The following TANGO2 variants were observed in gnomAD, a reference collection of about 807,000 sequenced individuals.
TANGO2 encodes the protein transport and Golgi organization protein 2 homolog.
In TANGO2, 26 loss-of-function variants were observed where a neutral mutation model predicts 39.1. The ratio of observed to expected loss-of-function variants is 0.67; its 90% CI spans 0.49 to 0.92. The LOEUF (loss-of-function observed/expected upper bound fraction) is 0.92, where lower values mean the gene tolerates loss of function less well. Ranked by LOEUF, TANGO2 falls within the 40% of genes least tolerant of loss-of-function variation. TANGO2 has a pLI of 0.00. For missense variants in TANGO2, 326 were observed against 360.1 expected, an observed-to-expected ratio of 0.91 and a Z score of 0.77; for synonymous variants, 131 against 144.5, an observed-to-expected ratio of 0.91 and a Z score of 0.67.
At chr22:20,046,574 C>T (rs2045258041) in intron 3 of TANGO2, among the ~76,000 whole-genome samples, 3 of 151,538 alleles carry the variant, frequency 2.0e-5, no homozygotes, top group South Asian at 2.1e-4. Context: ...AAGTGATTCT[C>T]CTGCCTCAGC....
intron 1 of TANGO2, among the ~76,000 whole-genome samples, chr22:20,024,507 G>C (rs1016133720): frequency 1.3e-5 from 2 of 152,230 alleles, no homozygotes; most frequent in Admixed American, 6.5e-5. Flanking sequence ...ACCGCTGATG[G>C]AGTGGGGATT....
intron 3 of TANGO2, among the ~76,000 whole-genome samples, chr22:20,051,229 GT>G (rs1361436237): frequency 6.6e-6 from 1 of 150,690 alleles, no homozygotes; most frequent in Non-Finnish European, 1.5e-5. Flanking sequence ...ATTAATTATT[GT>G]TATAAAAATA....
intron 1 of TANGO2, among the ~76,000 whole-genome samples, chr22:20,030,740 C>T (rs542202580): frequency 6.6e-5 from 10 of 152,230 alleles, no homozygotes; most frequent in Admixed American, 2.6e-4. Context: ...GTTGGGATTA[C>T]AGGCGTGAGC....
At chr22:20,056,691 G>A (rs1033594603) in intron 6 of TANGO2, 7 of 456,516 alleles carry the variant, frequency 1.5e-5, no homozygotes, top group African/African-American at 4.0e-5. Flanking sequence ...GTTCTGGGAG[G>A]GAGGTCTGCA....
chr22:20,033,115 G>A (rs2042174368), intron 1 of TANGO2: 1 of 473,286 alleles, frequency 2.1e-6, no homozygotes, highest in Non-Finnish European at 4.2e-6. Context: ...TTGGGGGCCG[G>A]TGGGCAGTGG....
rs761001534 is a variant in TANGO2, at chr22:20,036,835, G to C, written c.37G>C (p.Val13Leu). 6.2e-6 allele frequency: 10 copies of C among 1,614,114 alleles called. No homozygotes were observed. The Middle Eastern group carries it at 4.9e-4, about 80-fold the overall frequency. Residue 13 changes from valine to leucine, a missense_variant, in exon 2 of 9, where the codon GTT (valine) becomes CTT (leucine). By Grantham distance (32) the Val-to-Leu change is conservative. Transcript: ENST00000327374. Reference sequence around the variant, plus strand: ...CTTCTTTAAGTTTGATCCTCGCCCTGTTTCCAAAAACGCGTACAGGTAACC... The same window carrying C: ...CTTCTTTAAGTTTGATCCTCGCCCTCTTTCCAAAAACGCGTACAGGTAACC... The part of the protein sequence containing the change: ...IIFFKFDPRP[V>L]SKNAYRLILA...
At chr22:20,061,312 T>A in intron 6 of TANGO2, 1 of 495,416 alleles carries the variant, frequency 2.0e-6, no homozygotes, top group Non-Finnish European at 3.5e-6. Context: ...CTCCTGTGGG[T>A]GCCCGCTTCC....
intron 1 of TANGO2, among the ~76,000 whole-genome samples, chr22:20,024,337 C>T (rs1333827218): frequency 1.3e-5 from 2 of 152,240 alleles, no homozygotes; most frequent in Non-Finnish European, 2.9e-5. Context: ...GGTTTCCTGA[C>T]GTCAGGACTT....
At chr22:20,041,785 T>C (rs964573350) in intron 2 of TANGO2, among the ~76,000 whole-genome samples, 1 of 152,206 alleles carries the variant, frequency 6.6e-6, no homozygotes, top group Admixed American at 6.5e-5. Flanking sequence ...GAATGTCTGT[T>C]ATTTCACATT....
chr22:20,033,099 G>A (rs751599155), intron 1 of TANGO2: 4 of 459,060 alleles, frequency 8.7e-6, no homozygotes, highest in Admixed American at 5.3e-5. Context: ...GCTGGCTAGA[G>A]CTGGGTTGGG....
intron 1 of TANGO2, among the ~76,000 whole-genome samples, chr22:20,022,310 C>T (rs563438440): frequency 6.6e-6 from 1 of 152,340 alleles, no homozygotes; most frequent in South Asian, 2.1e-4. Context: ...TGTCCTGCGT[C>T]TGTGTTGGGT....
chr22:20,039,645 GA>G (rs887765161), intron 2 of TANGO2, among the ~76,000 whole-genome samples: 33 of 151,244 alleles, frequency 2.2e-4, no homozygotes, highest in Non-Finnish European at 4.0e-4. Context: ...AAGAAAAAAC[GA>G]AAAAAAACCT....
intron 4 of TANGO2, 104 bp from the exon 5 acceptor site, chr22:20,053,333 C>T: frequency 1.4e-6 from 1 of 724,190 alleles, no homozygotes; most frequent in East Asian, 2.6e-5. Flanking sequence ...TCCAGTGGGA[C>T]CCCTCATCTT....
At chr22:20,019,293 A>C (rs961321156), upstream of TANGO2, 2 of 152,160 alleles carry the variant, frequency 1.3e-5, no homozygotes, top group Admixed American at 6.5e-5. Context: ...AAGAGTGGCC[A>C]CAGAAGGTAG....
upstream of TANGO2, among the ~76,000 whole-genome samples, chr22:20,019,660 C>T (rs1046050451): frequency 2.6e-5 from 4 of 152,338 alleles, no homozygotes; most frequent in Middle Eastern, 3.4e-3. Context: ...TGGCCTGGTG[C>T]TTTGGGGAAG....
Position 20,053,512 on chromosome 22 carries a change from A to C in TANGO2, c.341A>C (p.His114Pro). The change falls in exon 5 of 9, where the codon CAT (histidine) becomes CCT (proline). Residue 114 changes from histidine (H) to proline (P), a missense_variant. Physicochemically the swap from His to Pro is moderately conservative, Grantham distance 77. Transcript: ENST00000327374. ...CTGAAGAAGGTCTCTATGGAGGGCC[A>C]TCTGTACAATGGCTTCAACCTCATA... ...SYLKKVSMEG[H>P]LYNGFNLIAA... 1 of 1,613,890 alleles carries C rather than the reference A, an allele frequency of 6.2e-7. No homozygotes were observed. The highest frequency in any genetic ancestry group is 8.5e-7 in the Non-Finnish European group (1 of 1,179,786).
rs1491540119 is a variant in TANGO2 at position 20,050,357 on chromosome 22, G to GTTTTTTTTTTTTTTTTTTTTTTTTTTT, written c.146-2108_146-2107insTTTTTTTTTTTTTTTTTTTTTTTTTTT. Among the ~76,000 whole-genome samples the GTTTTTTTTTTTTTTTTTTTTTTTTTTT allele has an allele frequency of 4.3e-5, 3 of 69,204 alleles. 1 individual carries two copies. The highest frequency in any genetic ancestry group is 7.9e-5 in the Non-Finnish European group (3 of 37,892). The allele number at this position is 69,204 out of a possible 152,430, so 45.4% of individuals were successfully genotyped here. Reference sequence around the variant, plus strand: ...ATTTTTCATTAAATATTTTCCTGGTGGTTTTTTTTTTTTTTTTTTTTTTTG... The same window carrying GTTTTTTTTTTTTTTTTTTTTTTTTTTT: ...ATTTTTCATTAAATATTTTCCTGGTGTTTTTTTTTTTTTTTTTTTTTTTTTTTGTTTTTTTTTTTTTTTTTTTTTTTG... On this transcript the variant is annotated intron_variant, in intron 3 of 8. Transcript: ENST00000327374.
At chr22:20,056,181 C>G (rs772373059) in intron 6 of TANGO2, 168 bp downstream of exon 6, 2 of 710,376 alleles carry the variant, frequency 2.8e-6, no homozygotes, top group South Asian at 3.0e-5. Flanking sequence ...CTGGACACTT[C>G]AGAGAGCCCT....
At chr22:20,033,140 G>A (rs758014928) in intron 1 of TANGO2, 5 of 498,722 alleles carry the variant, frequency 1.0e-5, no homozygotes, top group South Asian at 7.5e-5. Context: ...GGCTCGAGCA[G>A]GGGGCGAGGG....
Sources: gnomAD v4.1 joint callset for allele counts (sites outside exome capture counted in the v4.1 genomes callset) on GRCh38, gnomAD v4.1.1 for gene constraint, MANE v1.5 for transcripts, NCBI Gene and HGNC (gene_info 2026-07-23, HGNC 2026-07-21) for gene names.